ABHD12B: variants seen among roughly 807,000 people sequenced by gnomAD.
ABHD12B encodes abhydrolase domain containing 12B.
In ABHD12B, 42 loss-of-function variants were observed where a neutral mutation model predicts 50.4. That is an observed-to-expected ratio of 0.83 (90% confidence interval 0.65 to 1.08). ABHD12B has a LOEUF of 1.08. Ranked by LOEUF, ABHD12B falls within the 50% of genes least tolerant of loss-of-function variation. The probability of loss-of-function intolerance (pLI) is 0.00; values close to 1 mark genes in which losing one functional copy is unlikely to be tolerated. For synonymous variants in ABHD12B, 167 were observed against 160.3 expected (o/e 1.04, Z -0.32); for missense variants, 479 against 447.7 (o/e 1.07, Z -0.63).
chr14:50,885,098 G>T (rs1394531888), intron 5 of ABHD12B, among the ~76,000 whole-genome samples: 2 of 152,080 alleles, frequency 1.3e-5, no homozygotes, highest in Non-Finnish European at 2.9e-5. Context: ...CTTGGCCAAG[G>T]TCACACAGCA....
intron 9 of ABHD12B, chr14:50,892,594 AG>A: frequency 1.0e-6 from 1 of 985,322 alleles, no homozygotes; most frequent in Non-Finnish European, 1.2e-6. Context: ...GTCTTTTCAA[AG>A]AACCAGCTTT....
chr14:50,882,672 G>A (rs372867827), intron 5 of ABHD12B, among the ~76,000 whole-genome samples: 3 of 151,878 alleles, frequency 2.0e-5, no homozygotes, highest in Non-Finnish European at 4.4e-5. Flanking sequence ...GAGCCACCGC[G>A]CCCACCCAGA....
At chr14:50,887,583 T>A (rs1566488884) in intron 8 of ABHD12B, among the ~76,000 whole-genome samples, 1 of 152,236 alleles carries the variant, frequency 6.6e-6, no homozygotes, top group Non-Finnish European at 1.5e-5. Flanking sequence ...TGGCTATTTT[T>A]GATTAAGGGC....
chr14:50,900,521 A>C (rs1176577573), intron 9 of ABHD12B, among the ~76,000 whole-genome samples: 1 of 152,200 alleles, frequency 6.6e-6, no homozygotes, highest in Non-Finnish European at 1.5e-5. Flanking sequence ...TCCAATAGTG[A>C]GAAGTTCTGT....
intron 1 of ABHD12B, 110 bp from the exon 2 acceptor site, chr14:50,877,841 TG>T: frequency 8.6e-7 from 1 of 1,164,994 alleles, no homozygotes; most frequent in South Asian, 1.9e-5. Flanking sequence ...CACTCCAGCC[TG>T]GGCAACAAGA....
rs748847503 is a variant in ABHD12B, at chr14:50,903,380, T to C, written c.864-9T>C. The C allele has an allele frequency of 6.2e-7, 1 of 1,603,188 alleles. No homozygotes were observed. Among genetic ancestry groups the C allele is most frequent in the Non-Finnish European group, 8.5e-7 (1 of 1,171,128 alleles). On this transcript the variant is annotated splice_polypyrimidine_tract_variant and intron_variant, in intron 10 of 12. Coordinates refer to ENST00000337334, the MANE Select transcript of ABHD12B (RefSeq NM_001206673.2). ...TTTAACTGAATGCTTTTCTTCTACT[T>C]GTCCCTAGTGTTAAATTCCTTTCTT...
chr14:50,872,279 G>T lies in ABHD12B; in HGVS notation c.104+1G>T. The T allele has an allele frequency of 7.4e-7, 1 of 1,345,936 alleles. No individual in the cohort carries two copies. Among genetic ancestry groups the T allele is most frequent in the Non-Finnish European group, 9.6e-7 (1 of 1,045,644 alleles). The allele number at this position is 1,345,936 out of a possible 1,614,324, so 83.4% of individuals were successfully genotyped here. On this transcript the variant is annotated splice_donor_variant, in intron 1 of 12. Transcript: ENST00000337334. LOFTEE classifies it high-confidence loss of function. ...GGGACATGGTCGACCGCAACCTGCG[G>T]TGAGTACCGCCCGGTCCACCCCTGG...
chr14:50,890,833 A>C (rs997927163), intron 9 of ABHD12B, among the ~76,000 whole-genome samples: 1 of 152,222 alleles, frequency 6.6e-6, no homozygotes, highest in African/African-American at 2.4e-5. Context: ...CCCTAGGAGT[A>C]GAATTGTGGG....
At chr14:50,874,123 G>C (rs1181534296) in intron 1 of ABHD12B, among the ~76,000 whole-genome samples, 1 of 152,196 alleles carries the variant, frequency 6.6e-6, no homozygotes, top group African/African-American at 2.4e-5. Context: ...CATGGCACTG[G>C]AACTAGTGGG....
At chr14:50,899,922 A>G (rs1290270565) in intron 9 of ABHD12B, among the ~76,000 whole-genome samples, 2 of 146,496 alleles carry the variant, frequency 1.4e-5, no homozygotes, top group African/African-American at 5.0e-5. Context: ...ACTCTGTCTA[A>G]AAAAAAAAAA....
chr14:50,873,206 T>TTC (rs555850214), intron 1 of ABHD12B, among the ~76,000 whole-genome samples: 12 of 151,342 alleles, frequency 7.9e-5, no homozygotes, highest in African/African-American at 1.2e-4. Context: ...CGGGGATCTT[T>TTC]TCTCTCTCTC....
At chr14:50,902,724 G>C (rs1257843748) in intron 10 of ABHD12B, among the ~76,000 whole-genome samples, 2 of 152,186 alleles carry the variant, frequency 1.3e-5, no homozygotes, top group Non-Finnish European at 2.9e-5. Flanking sequence ...ACATTCTCAG[G>C]GGTGTCAGTG....
intron 4 of ABHD12B, 21 bp from the exon 5 acceptor site, chr14:50,881,575 T>TTC: frequency 3.1e-6 from 5 of 1,588,212 alleles, no homozygotes; most frequent in Non-Finnish European, 3.4e-6. Flanking sequence ...TTTTTTTTTT[T>TTC]TTTTTAAACT....
chr14:50,880,846 C>A (rs1018342242), intron 4 of ABHD12B, among the ~76,000 whole-genome samples: 1 of 152,120 alleles, frequency 6.6e-6, no homozygotes, highest in African/African-American at 2.4e-5. Context: ...CCTTTGCTCC[C>A]GAAGAGTGTC....
intron 1 of ABHD12B, among the ~76,000 whole-genome samples, chr14:50,872,572 G>A (rs2049802080): frequency 2.0e-5 from 3 of 152,200 alleles, no homozygotes; most frequent in Admixed American, 2.0e-4. Context: ...CAGGGAGATG[G>A]TTGAATTCCT....
Position 50,875,914 on chromosome 14 carries a change from T to A in ABHD12B, c.105-2038T>A, listed in dbSNP as rs2049857163. Reference sequence around the variant, plus strand: ...AACATAGCTTAGCGGGAGACTACCCTGCCTACCTTCAAAAGACAGCTTAGC... The same window carrying A: ...AACATAGCTTAGCGGGAGACTACCCAGCCTACCTTCAAAAGACAGCTTAGC... On this transcript the variant is annotated intron_variant, in intron 1 of 12. Coordinates refer to ENST00000337334, the MANE Select transcript of ABHD12B (RefSeq NM_001206673.2). 2.0e-5 allele frequency among the ~76,000 whole-genome samples: 3 copies of A among 152,158 alleles called. 1 individual carries two copies. The highest frequency in any genetic ancestry group is 4.1e-4 in the South Asian group (2 of 4,822).
rs1057265043 is a variant in ABHD12B, at chr14:50,878,828, G to T, written c.316G>T (p.Gly106Trp). 6.2e-7 allele frequency: 1 copy of T among 1,613,916 alleles called. No individual in the cohort carries two copies. The change falls in exon 3 of 13, where the codon GGG (glycine) becomes TGG (tryptophan). Residue 106 changes from glycine (G) to tryptophan (W), a missense_variant. Gly to Trp is a radical substitution (Grantham distance 184). Coordinates refer to ENST00000337334, the MANE Select transcript of ABHD12B (RefSeq NM_001206673.2). ...GAACTTCTACCTGAGAGTTGAACCT[G>T]GGGTGATGCTAGGGATCTGGTGAGT... The part of the protein sequence containing the change: ...TVNFYLRVEP[G>W]VMLGIWHTVP...
chr14:50,896,481 A>T (rs374861656), intron 9 of ABHD12B, among the ~76,000 whole-genome samples: 1 of 152,184 alleles, frequency 6.6e-6, no homozygotes, highest in Non-Finnish European at 1.5e-5. Flanking sequence ...GAAGAATCAC[A>T]AAAGAAGTGA....
intron 10 of ABHD12B, among the ~76,000 whole-genome samples, chr14:50,902,671 T>A (rs1304744554): frequency 6.6e-6 from 1 of 152,182 alleles, no homozygotes; most frequent in Non-Finnish European, 1.5e-5. Flanking sequence ...AAATAGACAG[T>A]TGTCAATATA....
Sources: allele counts gnomAD v4.1 joint callset (sites outside exome capture counted in the v4.1 genomes callset), GRCh38; gene constraint gnomAD v4.1.1; transcripts MANE v1.5; gene names NCBI Gene and HGNC (gene_info 2026-07-23, HGNC 2026-07-21).